The following FOXP1 variants were observed in gnomAD, a reference collection of about 807,000 sequenced individuals.
FOXP1 encodes forkhead box protein P1.
In FOXP1, 15 loss-of-function variants were observed where a neutral mutation model predicts 98.2. That is an observed-to-expected ratio of 0.15 (90% CI 0.10 to 0.24). The LOEUF (loss-of-function observed/expected upper bound fraction) is 0.24. Ranked by LOEUF, FOXP1 falls within the 10% of genes least tolerant of loss-of-function variation. The probability of loss-of-function intolerance (pLI) is 1.00; values close to 1 mark genes in which losing one functional copy is unlikely to be tolerated. For synonymous variants in FOXP1, 371 were observed against 314.5 expected (o/e 1.18, Z -1.90); for missense variants, 633 against 848.5 (o/e 0.75, Z 3.15).
chr3:71,279,863 C>T (rs2071325752), intron 5 of FOXP1, among the ~76,000 whole-genome samples: 3 of 152,046 alleles, frequency 2.0e-5, no homozygotes, highest in Admixed American at 6.6e-5. Flanking sequence ...GTGGCTCATA[C>T]CTGTAATCCC....
chr3:71,360,682 A>G (rs189719836), intron 3 of FOXP1: 1 of 152,218 alleles, frequency 6.6e-6, no homozygotes, highest in East Asian at 1.9e-4. Context: ...AAAAAAAAAA[A>G]TGGAACTATA....
intron 3 of FOXP1, among the ~76,000 whole-genome samples, chr3:71,366,095 AT>A (rs1341784761): frequency 6.6e-6 from 1 of 152,186 alleles, no homozygotes; most frequent in African/African-American, 2.4e-5. Flanking sequence ...TTCCCCCACT[AT>A]TCTCTCAAGG....
chr3:71,316,435 T>C (rs927787924), intron 4 of FOXP1, among the ~76,000 whole-genome samples: 7 of 152,216 alleles, frequency 4.6e-5, no homozygotes, highest in African/African-American at 1.7e-4. Flanking sequence ...ATAGGTCCCT[T>C]TCCAAGGCTA....
At chr3:71,280,455 G>A (rs2071416455) in intron 5 of FOXP1, among the ~76,000 whole-genome samples, 1 of 151,646 alleles carries the variant, frequency 6.6e-6, no homozygotes, top group Non-Finnish European at 1.5e-5. Context: ...TGAATAGCTG[G>A]GATTACAGGT....
chr3:71,577,047 C>T (rs751899896), intron 2 of FOXP1, among the ~76,000 whole-genome samples: 1 of 152,182 alleles, frequency 6.6e-6, no homozygotes, highest in Non-Finnish European at 1.5e-5. Flanking sequence ...ATAGATTTCA[C>T]GACTGGGTAA....
intron 3 of FOXP1, among the ~76,000 whole-genome samples, chr3:71,434,253 G>C (rs1437609952): frequency 1.3e-5 from 2 of 152,074 alleles, no homozygotes; most frequent in African/African-American, 2.4e-5. Flanking sequence ...AAATAATGAC[G>C]TTAGGCACTG....
intron 2 of FOXP1, among the ~76,000 whole-genome samples, chr3:71,507,633 A>G (rs538685419): frequency 1.8e-4 from 27 of 151,464 alleles, no homozygotes; most frequent in Admixed American, 2.0e-4. Flanking sequence ...GCTGGAGTGC[A>G]GTGGCACAAC....
chr3:71,066,975 A>T (rs184248883), intron 7 of FOXP1, among the ~76,000 whole-genome samples: 4 of 152,320 alleles, frequency 2.6e-5, no homozygotes, highest in African/African-American at 9.6e-5. Flanking sequence ...TGCAGTGCTT[A>T]CTCAACTACT....
At chr3:71,542,637 T>G (rs1163489454) in intron 2 of FOXP1, among the ~76,000 whole-genome samples, 1 of 152,156 alleles carries the variant, frequency 6.6e-6, no homozygotes, top group Non-Finnish European at 1.5e-5. Context: ...GTGTGCCACA[T>G]CTGCAGTTGA....
intron 20 of FOXP1, among the ~76,000 whole-genome samples, 185 bp downstream of exon 20, chr3:70,965,705 G>C (rs2034615767): frequency 1.3e-5 from 2 of 152,166 alleles, no homozygotes; most frequent in Admixed American, 6.5e-5. Flanking sequence ...GGGAAAGTTA[G>C]CAAATAGTCC....
At position 71,406,107 on chromosome 3, in the gene FOXP1, T is replaced by C. The variant is rs899514516; in HGVS notation, c.-167-46863A>G. ...AACAACTGTTCCAGTCACCGTACCA[T>C]ACCAGGCACGTGGTCCTTCCCCGAT... On this transcript the variant is annotated intron_variant, in intron 3 of 20. Coordinates refer to ENST00000649528, the MANE Select transcript of FOXP1 (RefSeq NM_001349338.3). Among the ~76,000 whole-genome samples the C allele has an allele frequency of 3.9e-5, 6 of 152,252 alleles. No homozygotes were observed. In the East Asian group the frequency reaches 1.2e-3, roughly 29 times the overall value.
At chr3:71,265,213 A>C (rs2069520569) in intron 5 of FOXP1, among the ~76,000 whole-genome samples, 1 of 152,210 alleles carries the variant, frequency 6.6e-6, no homozygotes, top group South Asian at 2.1e-4. Context: ...GGCCAAAATC[A>C]ACTATATCTG....
At chr3:71,210,696 C>G (rs2064388714) in intron 5 of FOXP1, 1 of 152,114 alleles carries the variant, frequency 6.6e-6, no homozygotes, top group Non-Finnish European at 1.5e-5. Flanking sequence ...TGCTCACTAC[C>G]CTATGGATGA....
At chr3:71,536,828 C>T (rs571672546) in intron 2 of FOXP1, among the ~76,000 whole-genome samples, 1 of 152,108 alleles carries the variant, frequency 6.6e-6, no homozygotes, top group Non-Finnish European at 1.5e-5. Context: ...GGTTCTCCCA[C>T]CCCCACAGAG....
intron 4 of FOXP1, among the ~76,000 whole-genome samples, chr3:71,352,482 A>AAAAAAAAAAAAC (rs2077857746): frequency 6.7e-6 from 1 of 148,204 alleles, no homozygotes; most frequent in African/African-American, 2.5e-5. Context: ...AAAAAAAAAA[A>AAAAAAAAAAAAC]AAAAAAAAAA....
intron 5 of FOXP1, among the ~76,000 whole-genome samples, chr3:71,284,362 C>T (rs980334320): frequency 3.7e-4 from 57 of 152,078 alleles, no homozygotes; most frequent in African/African-American, 1.2e-3. Context: ...CCCAAGAGTT[C>T]GAGACCAGCC....
chr3:71,345,687 C>G (rs1295819113), intron 4 of FOXP1, among the ~76,000 whole-genome samples: 2 of 151,404 alleles, frequency 1.3e-5, no homozygotes, highest in African/African-American at 2.4e-5. Context: ...AAGAGCTTCC[C>G]AAGAAAAGCA....
intron 4 of FOXP1, among the ~76,000 whole-genome samples, chr3:71,324,316 C>T (rs1020112871): frequency 2.6e-5 from 4 of 152,074 alleles, no homozygotes; most frequent in Non-Finnish European, 5.9e-5. Context: ...CACATGCACA[C>T]GTATGTTTAC....
rs146199305 is a variant in FOXP1 at position 71,561,048 on chromosome 3, G to A, written c.-298+20501C>T. On this transcript the variant is annotated intron_variant, in intron 2 of 20. Coordinates refer to ENST00000649528, the MANE Select transcript of FOXP1 (RefSeq NM_001349338.3). ...ATATACTAAAAACCACTGTTGAATT[G>A]TGTACTTTTTTGTTTGTTTGTCTTC... 2.6e-5 allele frequency among the ~76,000 whole-genome samples: 4 copies of A among 152,188 alleles called. No individual in the cohort carries two copies. The East Asian group carries it at 7.7e-4, about 29-fold the overall frequency.
Sources: allele counts gnomAD v4.1 joint callset (sites outside exome capture counted in the v4.1 genomes callset), GRCh38; gene constraint gnomAD v4.1.1; transcripts MANE v1.5; gene names NCBI Gene and HGNC (gene_info 2026-07-23, HGNC 2026-07-21).